The following CHST11 variants were observed in gnomAD, a reference collection of about 807,000 sequenced individuals.
The protein encoded by CHST11 is carbohydrate sulfotransferase 11.
In CHST11, 9 loss-of-function variants were observed where a neutral mutation model predicts 30.4. That is an observed-to-expected ratio of 0.30 (90% CI 0.18 to 0.52). CHST11 has a LOEUF of 0.52. CHST11 is among the 20% of genes least tolerant of loss of function. The pLI is 0.97. For synonymous variants in CHST11, 152 were observed against 187.8 expected, an observed-to-expected ratio of 0.81 and a Z score of 1.56; for missense variants, 348 against 460.6, an observed-to-expected ratio of 0.76 and a Z score of 2.24.
intron 1 of CHST11, among the ~76,000 whole-genome samples, chr12:104,495,841 T>C (rs7137398): frequency 0.55 from 83,891 of 152,026 alleles, 24,421 homozygotes; most frequent in African/African-American, 0.74. Context: ...TTCTCTGGCT[T>C]TCTTTTCCTA....
intron 1 of CHST11, chr12:104,588,706 A>G (rs2038829277): frequency 6.6e-6 from 1 of 152,510 alleles, no homozygotes; most frequent in Admixed American, 6.5e-5. Context: ...GCCATGCTCC[A>G]TTGCCCACCT....
intron 2 of CHST11, among the ~76,000 whole-genome samples, chr12:104,722,810 A>G (rs2040188454): frequency 6.6e-6 from 1 of 152,116 alleles, no homozygotes; most frequent in South Asian, 2.1e-4. Context: ...GCAGTGAAAC[A>G]TCATCAAAGT....
rs185460753 is a variant in CHST11 at position 104,702,397 on chromosome 12, T to G, written c.205-54552T>G. Among the ~76,000 whole-genome samples the G allele has an allele frequency of 3.6e-3, 549 of 152,304 alleles. 3 individuals are homozygous for G. Among genetic ancestry groups the G allele is most frequent in the Middle Eastern group, 0.02 (6 of 294 alleles). ...TATGGAAACTGAGGCATAGGGAGGTTAAATCATTTGCACAAGGTTCACAGC... is the reference window on the plus strand; with the variant it reads ...TATGGAAACTGAGGCATAGGGAGGTGAAATCATTTGCACAAGGTTCACAGC... On this transcript the variant is annotated intron_variant, in intron 2 of 2. Transcript: ENST00000303694.
At chr12:104,636,382 G>A (rs1260512648) in intron 2 of CHST11, among the ~76,000 whole-genome samples, 1 of 152,188 alleles carries the variant, frequency 6.6e-6, no homozygotes, top group Non-Finnish European at 1.5e-5. Flanking sequence ...ACTTCCTAAG[G>A]CTCAACTGTT....
chr12:104,690,295 C>T (rs955959103), intron 2 of CHST11, among the ~76,000 whole-genome samples: 1 of 152,244 alleles, frequency 6.6e-6, no homozygotes, highest in Non-Finnish European at 1.5e-5. Context: ...AGGATTTAAA[C>T]ATTCCCTTCC....
chr12:104,679,651 G>A (rs1385283957), intron 2 of CHST11, among the ~76,000 whole-genome samples: 2 of 152,258 alleles, frequency 1.3e-5, no homozygotes, highest in South Asian at 4.1e-4. Flanking sequence ...TGGGGCCGCC[G>A]AGCCCCAGCT....
At chr12:104,471,154 T>C (rs1565953261) in intron 1 of CHST11, among the ~76,000 whole-genome samples, 1 of 152,202 alleles carries the variant, frequency 6.6e-6, no homozygotes, top group Non-Finnish European at 1.5e-5. Context: ...ATGTCCTTCC[T>C]GTCATCCCTG....
chr12:104,540,983 G>C (rs1316782298), intron 1 of CHST11, among the ~76,000 whole-genome samples: 1 of 152,196 alleles, frequency 6.6e-6, no homozygotes, highest in Non-Finnish European at 1.5e-5. Context: ...CAAAAGCAAA[G>C]AGCCAGTGGC....
intron 2 of CHST11, among the ~76,000 whole-genome samples, chr12:104,630,315 C>T (rs527763363): frequency 5.3e-5 from 8 of 152,292 alleles, no homozygotes; most frequent in African/African-American, 9.6e-5. Flanking sequence ...TTCTGTGTGC[C>T]GCTGTCTGTA....
intron 2 of CHST11, among the ~76,000 whole-genome samples, chr12:104,696,158 C>T (rs1180920202): frequency 3.3e-5 from 5 of 152,052 alleles, no homozygotes; most frequent in African/African-American, 4.8e-5. Context: ...GTTTCCAAGC[C>T]TTCTGTTTGG....
chr12:104,660,380 G>A (rs1008899056), intron 2 of CHST11, among the ~76,000 whole-genome samples: 1 of 152,186 alleles, frequency 6.6e-6, no homozygotes, highest in Admixed American at 6.5e-5. Context: ...GCGCAGGTGG[G>A]CCCCCAGCTG....
At position 104,596,904 on chromosome 12, in the gene CHST11, G is replaced by A. The variant is rs144689983; in HGVS notation, c.119-5002G>A. Among the ~76,000 whole-genome samples the A allele has an allele frequency of 1.0e-2, 1,520 of 152,264 alleles. 20 individuals are homozygous for A. Among genetic ancestry groups the A allele is most frequent in the Non-Finnish European group, 0.013 (863 of 68,026 alleles). ...AAATCGAGGGGATTGGCCTATACTC[G>A]AATCCCTTGGAATTCTGAATGTCTT... On this transcript the variant is annotated intron_variant, in intron 1 of 2. Transcript: ENST00000303694.
At chr12:104,712,635 C>T (rs2040096729) in intron 2 of CHST11, among the ~76,000 whole-genome samples, 1 of 152,160 alleles carries the variant, frequency 6.6e-6, no homozygotes, top group Non-Finnish European at 1.5e-5. Flanking sequence ...CACTAATCAG[C>T]TGTTAACCCT....
At chr12:104,496,370 T>G (rs1393492230) in intron 1 of CHST11, among the ~76,000 whole-genome samples, 1 of 152,282 alleles carries the variant, frequency 6.6e-6, no homozygotes, top group Non-Finnish European at 1.5e-5. Flanking sequence ...TTATCATATT[T>G]AATTTTGTTT....
chr12:104,636,752 A>G (rs1332131565), intron 2 of CHST11, among the ~76,000 whole-genome samples: 2 of 152,202 alleles, frequency 1.3e-5, no homozygotes, highest in Non-Finnish European at 2.9e-5. Flanking sequence ...TGTAAGAATC[A>G]AAGGAGCTAA....
chr12:104,681,007 G>A (rs745661429), intron 2 of CHST11, among the ~76,000 whole-genome samples: 1 of 152,242 alleles, frequency 6.6e-6, no homozygotes, highest in Admixed American at 6.5e-5. Context: ...TCAAAGGGTT[G>A]TTGTGAGGAT....
At chr12:104,737,715 G>C (rs2040312996) in intron 2 of CHST11, among the ~76,000 whole-genome samples, 1 of 152,170 alleles carries the variant, frequency 6.6e-6, no homozygotes, top group Non-Finnish European at 1.5e-5. Flanking sequence ...CTGTGGTTTT[G>C]ATGTTTTTCA....
chr12:104,485,904 G>A (rs1251128903), intron 1 of CHST11, among the ~76,000 whole-genome samples: 2 of 152,226 alleles, frequency 1.3e-5, no homozygotes, highest in Non-Finnish European at 2.9e-5. Flanking sequence ...ATTGTTAGGC[G>A]GCAGGGTGAT....
At chr12:104,516,846 T>C (rs1031462810) in intron 1 of CHST11, among the ~76,000 whole-genome samples, 1 of 152,094 alleles carries the variant, frequency 6.6e-6, no homozygotes, top group Admixed American at 6.5e-5. Context: ...TTTGAATTTG[T>C]GTGCCCTGTT....
Sources: gnomAD v4.1 joint callset for allele counts (sites outside exome capture counted in the v4.1 genomes callset) on GRCh38, gnomAD v4.1.1 for gene constraint, MANE v1.5 for transcripts, NCBI Gene and HGNC (gene_info 2026-07-23, HGNC 2026-07-21) for gene names.